AKAP6: variants seen among roughly 807,000 people sequenced by gnomAD.
AKAP6 encodes A-kinase anchoring protein 6.
In AKAP6, 58 loss-of-function variants were observed where a neutral mutation model predicts 188.5. The ratio of observed to expected loss-of-function variants is 0.31; its 90% CI spans 0.25 to 0.38. The LOEUF (loss-of-function observed/expected upper bound fraction) is 0.38. Among genes scored for constraint, AKAP6 ranks in the 10% least tolerant of loss-of-function variants. The pLI, the probability that AKAP6 is intolerant of heterozygous loss-of-function variation, is 1.00. For synonymous variants in AKAP6, 989 were observed against 998.6 expected (o/e 0.99, Z 0.18); for missense variants, 2,710 against 2,740.0 (o/e 0.99, Z 0.24).
At chr14:32,776,466 GT>G (rs1566703469) in intron 12 of AKAP6, among the ~76,000 whole-genome samples, 1 of 152,086 alleles carries the variant, frequency 6.6e-6, no homozygotes, top group Non-Finnish European at 1.5e-5. Flanking sequence ...GGAACTGTGA[GT>G]TCATTAAACC....
At chr14:32,415,227 G>A (rs1885131) in intron 1 of AKAP6, among the ~76,000 whole-genome samples, 95,542 of 151,498 alleles carry the variant, frequency 0.63, 32,449 homozygotes, top group Non-Finnish European at 0.76. Context: ...GCAGTCACAC[G>A]TGTGTCTTAA....
intron 11 of AKAP6, among the ~76,000 whole-genome samples, chr14:32,768,820 A>AC: frequency 6.6e-6 from 1 of 152,142 alleles, no homozygotes; most frequent in African/African-American, 2.4e-5. Flanking sequence ...ATTGGGCATC[A>AC]CCCCAGTATT....
intron 3 of AKAP6, among the ~76,000 whole-genome samples, chr14:32,539,760 C>T (rs1227906314): frequency 6.6e-6 from 1 of 152,138 alleles, no homozygotes; most frequent in African/African-American, 2.4e-5. Context: ...TTGTACTTCA[C>T]AGTTGCTTGT....
Position 32,786,559 on chromosome 14 carries a change from C to T in AKAP6, c.3588+12666C>T, listed in dbSNP as rs1353475954. ...CAGGATGGTTTCGATCTCCTGACCT[C>T]GTGATCTGCCTGCCTCGGCCTCCCA... On this transcript the variant is annotated intron_variant, in intron 12 of 13. Coordinates refer to ENST00000280979, the MANE Select transcript of AKAP6 (RefSeq NM_004274.5). Among the ~76,000 whole-genome samples the T allele has an allele frequency of 3.9e-5, 6 of 151,928 alleles. No homozygotes were observed. In the East Asian group the frequency reaches 7.7e-4, roughly 20 times the overall value.
intron 9 of AKAP6, among the ~76,000 whole-genome samples, chr14:32,724,048 C>T (rs2030710189): frequency 7.1e-6 from 1 of 141,422 alleles, no homozygotes; most frequent in African/African-American, 2.7e-5. Context: ...ACGAACATTA[C>T]AAATCAGGTC....
chr14:32,691,136 G>A (rs936751965), intron 8 of AKAP6, among the ~76,000 whole-genome samples: 3 of 152,184 alleles, frequency 2.0e-5, no homozygotes, highest in Admixed American at 6.5e-5. Flanking sequence ...TCTTATATTT[G>A]TATTCCTATA....
At chr14:32,394,587 G>A (rs1035691705) in intron 1 of AKAP6, among the ~76,000 whole-genome samples, 9 of 152,154 alleles carry the variant, frequency 5.9e-5, no homozygotes, top group Admixed American at 2.6e-4. Context: ...ACATCAGTTC[G>A]TAGTTCTCTT....
rs1887585335 is a variant in AKAP6 at position 32,359,376 on chromosome 14, T to A, written c.-35+29968T>A. Among the ~76,000 whole-genome samples, 3 of 152,238 alleles carry A rather than the reference T, an allele frequency of 2.0e-5. No individual in the cohort carries two copies. In the South Asian group the frequency reaches 6.2e-4, roughly 32 times the overall value. ...ATACAAAAAGCAGAAAAAAGGAAAG[T>A]CATACTTTAAAAAATGTTTTATTTT... On this transcript the variant is annotated intron_variant, in intron 1 of 13. Coordinates refer to ENST00000280979, the MANE Select transcript of AKAP6 (RefSeq NM_004274.5).
rs770927514 is a variant in AKAP6, at chr14:32,678,395, A to G, written c.2815A>G (p.Ser939Gly). 1.2e-6 allele frequency: 2 copies of G among 1,613,974 alleles called. No homozygotes were observed. The highest frequency in any genetic ancestry group is 1.7e-4 in the Middle Eastern group (1 of 6,060). ...SLKLYSEQYT[S>G]SSKRKEEFAD... Reference sequence around the variant, plus strand: ...CAAGCTGTACAGCGAGCAGTATACCAGCAGCAGCAAGCGAAAGGAAGAGTT... The same window carrying G: ...CAAGCTGTACAGCGAGCAGTATACCGGCAGCAGCAAGCGAAAGGAAGAGTT... Residue 939 changes from serine to glycine, a missense_variant, in exon 8 of 14, where the codon AGC (serine) becomes GGC (glycine). This residue lies in a region of AKAP6 where 2,473 missense variants were observed against 2,426.1 expected (regional missense o/e 1.02). Coordinates refer to ENST00000280979, the MANE Select transcript of AKAP6 (RefSeq NM_004274.5).
At chr14:32,388,242 C>G (rs1888597536) in intron 1 of AKAP6, among the ~76,000 whole-genome samples, 1 of 151,956 alleles carries the variant, frequency 6.6e-6, no homozygotes, top group South Asian at 2.1e-4. Flanking sequence ...CTCTTCTTTT[C>G]TTGGTTAATC....
intron 2 of AKAP6, among the ~76,000 whole-genome samples, chr14:32,521,732 G>A (rs1881843941): frequency 6.6e-6 from 1 of 152,174 alleles, no homozygotes; most frequent in Admixed American, 6.5e-5. Flanking sequence ...TGGTTAGGAA[G>A]AATCAATATC....
intron 11 of AKAP6, among the ~76,000 whole-genome samples, chr14:32,757,921 T>C (rs1181233504): frequency 6.6e-6 from 1 of 152,144 alleles, no homozygotes; most frequent in African/African-American, 2.4e-5. Flanking sequence ...AACAGAACAA[T>C]ATATGCATGT....
At chr14:32,659,430 A>G (rs1252061961) in intron 7 of AKAP6, among the ~76,000 whole-genome samples, 1 of 152,126 alleles carries the variant, frequency 6.6e-6, no homozygotes, top group African/African-American at 2.4e-5. Context: ...CAAATACTTT[A>G]AACAAGCTGT....
At position 32,535,659 on chromosome 14, in the gene AKAP6, A is replaced by G. The variant is rs1321229141; in HGVS notation, c.430A>G (p.Ile144Val). 1 of 1,614,242 alleles carries G rather than the reference A, an allele frequency of 6.2e-7. No individual in the cohort carries two copies. The highest frequency in any genetic ancestry group is 8.5e-7 in the Non-Finnish European group (1 of 1,180,018). Residue 144 changes from isoleucine to valine, a missense_variant, in exon 3 of 14, where the codon ATC (isoleucine) becomes GTC (valine). Transcript: ENST00000280979. ...TTACTCTGTCAACGTGATAGTGGACATCCACGCAGTGCAGCTCCTCTGGCA... is the reference window on the plus strand; with the variant it reads ...TTACTCTGTCAACGTGATAGTGGACGTCCACGCAGTGCAGCTCCTCTGGCA... Reference protein sequence around the residue: ...LSYSVNVIVDIHAVQLLWHQL... With the variant: ...LSYSVNVIVDVHAVQLLWHQL...
intron 2 of AKAP6, among the ~76,000 whole-genome samples, chr14:32,471,934 A>G (rs1878806826): frequency 6.6e-6 from 1 of 152,206 alleles, no homozygotes. Context: ...AATAGTCCCT[A>G]TGAGATTTCT....
intron 7 of AKAP6, among the ~76,000 whole-genome samples, chr14:32,610,467 A>G (rs1020690761): frequency 4.6e-5 from 7 of 152,174 alleles, no homozygotes; most frequent in African/African-American, 1.7e-4. Flanking sequence ...CTACAACATG[A>G]TGATGTAGCT....
chr14:32,571,262 G>T (rs1884473686), intron 4 of AKAP6, among the ~76,000 whole-genome samples: 1 of 151,540 alleles, frequency 6.6e-6, no homozygotes, highest in Non-Finnish European at 1.5e-5. Context: ...AGTGGCTCGT[G>T]CCTGTGATAC....
chr14:32,632,146 G>C (rs1427517677), intron 7 of AKAP6, among the ~76,000 whole-genome samples: 1 of 151,994 alleles, frequency 6.6e-6, no homozygotes, highest in East Asian at 1.9e-4. Context: ...GTTTTGCTAT[G>C]AACCATTTAC....
intron 2 of AKAP6, among the ~76,000 whole-genome samples, chr14:32,492,355 T>TAGAGAGAGAGAGAGAGAG (rs1555333490): frequency 3.6e-5 from 3 of 82,584 alleles, no homozygotes; most frequent in Admixed American, 1.9e-4. Context: ...TATATATATA[T>TAGAGAGAGAGAGAGAGAG]AGAGAGAGAG....
Sources: gnomAD v4.1 joint callset for allele counts (sites outside exome capture counted in the v4.1 genomes callset) on GRCh38, gnomAD v4.1.1 for gene constraint, gnomAD v4.1.1 regional missense constraint, MANE v1.5 for transcripts, NCBI Gene and HGNC (gene_info 2026-07-23, HGNC 2026-07-21) for gene names.